Variants in NEDD4L observed in about 807,000 individuals in gnomAD.
NEDD4L encodes the protein E3 ubiquitin-protein ligase NEDD4-like.
A neutral mutation model predicts 148.9 loss-of-function variants in NEDD4L; 54 were observed. The ratio of observed to expected loss-of-function variants is 0.36; its 90% CI spans 0.29 to 0.45. The LOEUF (loss-of-function observed/expected upper bound fraction) is 0.45. Among genes scored for constraint, NEDD4L ranks in the 20% least tolerant of loss-of-function variants. The probability of loss-of-function intolerance (pLI) is 1.00; values close to 1 mark genes in which losing one functional copy is unlikely to be tolerated. For missense variants in NEDD4L, 856 were observed against 1,233.8 expected, an observed-to-expected ratio of 0.69 and a Z score of 4.59; for synonymous variants, 433 against 440.7, an observed-to-expected ratio of 0.98 and a Z score of 0.22.
chr18:58,333,856 C>T lies in NEDD4L; in HGVS notation c.1029C>T (p.Val343=), dbSNP rs771264463. 6.2e-7 allele frequency: 1 copy of T among 1,613,838 alleles called. No homozygotes were observed. The highest frequency in any genetic ancestry group is 1.1e-5 in the South Asian group (1 of 91,052). The change falls in exon 12 of 31, where the codon GTC becomes GTT. Residue 343 remains valine, a synonymous_variant. Transcript: ENST00000400345. ...EPSSRLRSCS[V]TDAVAEQGHL... is the part of the protein sequence containing the mutation. The stretch of plus-strand genomic sequence containing the variant: ...CCTCAAGGTTGAGGTCATGCAGTGT[C>T]ACCGACGCAGTTGCAGAACAGGGCC...
chr18:58,309,126 G>A (rs2057379321), intron 5 of NEDD4L, among the ~76,000 whole-genome samples: 1 of 152,150 alleles, frequency 6.6e-6, no homozygotes, highest in African/African-American at 2.4e-5. Flanking sequence ...CTGGGAGACT[G>A]TCGTCTTGAG....
At chr18:58,305,703 G>T (rs892935088) in intron 5 of NEDD4L, among the ~76,000 whole-genome samples, 2 of 152,026 alleles carry the variant, frequency 1.3e-5, no homozygotes, top group African/African-American at 4.8e-5. Flanking sequence ...TGTTTTATAT[G>T]GTATACGTTC....
chr18:58,093,136 T>C (rs1444834443), intron 1 of NEDD4L, among the ~76,000 whole-genome samples: 1 of 152,168 alleles, frequency 6.6e-6, no homozygotes, highest in Non-Finnish European at 1.5e-5. Context: ...GCTTGTAATA[T>C]GAGTGTCACT....
chr18:58,267,556 T>G (rs7234847), intron 5 of NEDD4L, among the ~76,000 whole-genome samples: 34,309 of 151,784 alleles, frequency 0.23, 4,544 homozygotes, highest in African/African-American at 0.33. Flanking sequence ...TCCACACCCT[T>G]TGATTTCTCC....
chr18:58,064,387 A>G (rs1390795042), intron 1 of NEDD4L, among the ~76,000 whole-genome samples: 6 of 152,170 alleles, frequency 3.9e-5, no homozygotes, highest in African/African-American at 1.4e-4. Flanking sequence ...TAATTCTCAA[A>G]TGAATACCAT....
chr18:58,109,138 G>A (rs910792671), intron 1 of NEDD4L, among the ~76,000 whole-genome samples: 5 of 152,272 alleles, frequency 3.3e-5, no homozygotes, highest in Non-Finnish European at 7.4e-5. Context: ...AGAACCAGCC[G>A]TGATTAGGTG....
intron 2 of NEDD4L, among the ~76,000 whole-genome samples, chr18:58,207,946 C>T (rs2042136774): frequency 6.6e-6 from 1 of 152,116 alleles, no homozygotes; most frequent in African/African-American, 2.4e-5. Context: ...CCCACCTGCT[C>T]AGGAGGCTGA....
chr18:58,352,350 TG>T (rs2043999101), intron 18 of NEDD4L, among the ~76,000 whole-genome samples: 1 of 152,290 alleles, frequency 6.6e-6, no homozygotes, highest in East Asian at 1.9e-4. Flanking sequence ...CTTTTTCCCA[TG>T]AAAAACAAAA....
At chr18:58,058,605 T>G (rs2082191623) in intron 1 of NEDD4L, among the ~76,000 whole-genome samples, 1 of 152,112 alleles carries the variant, frequency 6.6e-6, no homozygotes, top group Non-Finnish European at 1.5e-5. Flanking sequence ...ACTGAAGGAA[T>G]TTGGGGTAGC....
chr18:58,341,855 T>C lies in NEDD4L; in HGVS notation c.1377+58T>C. 9 of 1,571,886 alleles carry C rather than the reference T, an allele frequency of 5.7e-6. No homozygotes were observed. The Admixed American group carries it at 9.2e-5, about 16-fold the overall frequency. On this transcript the variant is annotated intron_variant, in intron 15 of 30. Transcript: ENST00000400345. ...TCTGTCCTGTGACTCCCATTCTTTC[T>C]TCTCTCTTAACTCTGCCTTCAGTTT...
chr18:58,285,326 G>GGTGT (rs56971358), intron 5 of NEDD4L, among the ~76,000 whole-genome samples: 3 of 150,652 alleles, frequency 2.0e-5, no homozygotes, highest in Non-Finnish European at 4.4e-5. Context: ...TGTGTGTGTG[G>GGTGT]GTGTGTGTGT....
chr18:58,330,686 G>T (rs917039261), intron 10 of NEDD4L, 52 bp from the exon 11 acceptor site: 7 of 1,382,210 alleles, frequency 5.1e-6, no homozygotes, highest in African/African-American at 1.6e-5. Flanking sequence ...GGGGAGCTGG[G>T]TGGATCCCTA....
At chr18:58,221,374 A>G (rs1024010500) in intron 2 of NEDD4L, 1 of 164,780 alleles carries the variant, frequency 6.1e-6, no homozygotes, top group Non-Finnish European at 1.3e-5. Context: ...AAGATGCTGC[A>G]GGAACAACTG....
At chr18:58,235,036 G>A (rs928731898) in intron 2 of NEDD4L, among the ~76,000 whole-genome samples, 6 of 146,650 alleles carry the variant, frequency 4.1e-5, no homozygotes, top group Non-Finnish European at 7.6e-5. Context: ...TTCTGGCACC[G>A]TTGTTACTCC....
At chr18:58,278,933 G>GC (rs1299497347) in intron 5 of NEDD4L, among the ~76,000 whole-genome samples, 11 of 152,106 alleles carry the variant, frequency 7.2e-5, no homozygotes, top group African/African-American at 2.7e-4. Context: ...GTGCAGTGGT[G>GC]CAGTCTCAGC....
Position 58,328,889 on chromosome 18 carries a change from C to A in NEDD4L, c.681-106C>A, listed in dbSNP as rs75620568. 1,242 of 1,276,280 alleles carry A rather than the reference C, an allele frequency of 9.7e-4. 10 individuals carry two copies. In the African/African-American group the frequency reaches 0.017, roughly 18 times the overall value. 79.1% of individuals were successfully genotyped at this position (1,276,280 alleles called of 1,614,324 possible). On this transcript the variant is annotated intron_variant, in intron 9 of 30. Coordinates refer to ENST00000400345, the MANE Select transcript of NEDD4L (RefSeq NM_001144967.3). Reference sequence around the variant, plus strand: ...ACCAGCTAGTTGTCAGTGTTTGACGCTGACACTTTAGTGGCCATCTGGCCC... The same window carrying A: ...ACCAGCTAGTTGTCAGTGTTTGACGATGACACTTTAGTGGCCATCTGGCCC...
chr18:58,098,811 C>T (rs2084583081), intron 1 of NEDD4L, among the ~76,000 whole-genome samples: 1 of 152,152 alleles, frequency 6.6e-6, no homozygotes, highest in Non-Finnish European at 1.5e-5. Context: ...TCACTCTGTA[C>T]TTACTAGTTT....
intron 24 of NEDD4L, among the ~76,000 whole-genome samples, chr18:58,382,137 A>G (rs2048424489): frequency 6.6e-6 from 1 of 152,218 alleles, no homozygotes; most frequent in Non-Finnish European, 1.5e-5. Flanking sequence ...AATGTGTTTT[A>G]CGTTGAAAAG....
intron 16 of NEDD4L, among the ~76,000 whole-genome samples, chr18:58,348,896 C>T (rs559287193): frequency 3.9e-5 from 6 of 152,234 alleles, no homozygotes; most frequent in Non-Finnish European, 8.8e-5. Context: ...ATTTTGTAAA[C>T]GTTTAAATAT....
Sources: gnomAD v4.1 joint callset for allele counts (sites outside exome capture counted in the v4.1 genomes callset) on GRCh38, gnomAD v4.1.1 for gene constraint, MANE v1.5 for transcripts, NCBI Gene and HGNC (gene_info 2026-07-23, HGNC 2026-07-21) for gene names.